Variants in NLRP11 observed in about 807,000 individuals in gnomAD.
NLRP11 encodes the protein NLR family pyrin domain containing 11.
In NLRP11, 53 loss-of-function variants were observed where a neutral mutation model predicts 79.3. That is an observed-to-expected ratio of 0.67 (90% CI 0.54 to 0.84). The LOEUF is 0.84. NLRP11 is among the 40% of genes least tolerant of loss of function. The pLI is 0.00. For missense variants in NLRP11, 1,264 were observed against 1,255.0 expected (o/e 1.01, Z -0.11); for synonymous variants, 518 against 462.6 (o/e 1.12, Z -1.54).
At chr19:55,819,224 G>T (rs1981451973) in intron 1 of NLRP11, among the ~76,000 whole-genome samples, 1 of 149,632 alleles carries the variant, frequency 6.7e-6, no homozygotes, top group African/African-American at 2.5e-5. Flanking sequence ...CCTCTGCAGG[G>T]GTTCCCCATC....
At chr19:55,812,280 T>G (rs1980677255) in intron 2 of NLRP11, among the ~76,000 whole-genome samples, 1 of 152,090 alleles carries the variant, frequency 6.6e-6, no homozygotes, top group Non-Finnish European at 1.5e-5. Flanking sequence ...ATATACACTA[T>G]GCAAAACAAA....
At chr19:55,827,146 G>C (rs944279014) in intron 1 of NLRP11, among the ~76,000 whole-genome samples, 2 of 137,182 alleles carry the variant, frequency 1.5e-5, no homozygotes, top group African/African-American at 3.1e-5. Context: ...ACAAACCTGA[G>C]AAAAACAAGC....
intron 1 of NLRP11, 104 bp downstream of exon 1, chr19:55,831,856 ATAT>A (rs1240497484): frequency 6.6e-6 from 1 of 152,166 alleles, no homozygotes; most frequent in African/African-American, 2.4e-5. Flanking sequence ...TTCCCCAATC[ATAT>A]TATTTCCAGC....
At chr19:55,801,289 T>G in intron 5 of NLRP11, 1 of 323,836 alleles carries the variant, frequency 3.1e-6, no homozygotes, top group East Asian at 5.1e-5. Context: ...TGTTTTAGGG[T>G]TTGACCAGTA....
At chr19:55,787,251 T>C (rs1600169711) in intron 9 of NLRP11, among the ~76,000 whole-genome samples, 1 of 152,254 alleles carries the variant, frequency 6.6e-6, no homozygotes, top group Non-Finnish European at 1.5e-5. Context: ...TGGAAGCTGA[T>C]AGGCAGCTTC....
At chr19:55,785,849 T>C (rs926576214) in exon 10 of NLRP11, 3 of 1,613,592 alleles carry the variant, frequency 1.9e-6, no homozygotes, top group Non-Finnish European at 2.5e-6. Flanking sequence ...TGGGTTTGTG[T>C]GTTCAGGCCA....
chr19:55,785,792 G>A, exon 10 of NLRP11: 1 of 1,614,100 alleles, frequency 6.2e-7, no homozygotes, highest in Non-Finnish European at 8.5e-7. Flanking sequence ...GTTTCAGACA[G>A]AAAGATCAAA....
rs528561123 is a variant in NLRP11 at position 55,829,713 on chromosome 19, C to A, written c.-63+2250G>T. On this transcript the variant is annotated intron_variant, in intron 1 of 9. Transcript: ENST00000589093. ...GTACTTTAAAGAACACAAGAAAAAG[C>A]TCATAAAACAGCGTTTACAGAAGTA... Among the ~76,000 whole-genome samples the A allele has an allele frequency of 1.4e-4, 21 of 148,106 alleles. No individual in the cohort carries two copies. The South Asian group carries it at 4.6e-3, about 32-fold the overall frequency.
At position 55,792,096 on chromosome 19, in the gene NLRP11, T is replaced by C. The variant is rs371286251; in HGVS notation, c.2513+205A>G. On this transcript the variant is annotated intron_variant, in intron 7 of 9. Coordinates refer to ENST00000589093, the Ensembl canonical transcript of NLRP11. ...CCATGTGATAAGGATCTGAGGGATT[T>C]TGTGAACTCTGCTCCTTCTGAGCTA... Among the ~76,000 whole-genome samples, 30 of 152,288 alleles carry C rather than the reference T, an allele frequency of 2.0e-4. No individual in the cohort carries two copies. In the East Asian group the frequency reaches 3.5e-3, roughly 18 times the overall value.
intron 8 of NLRP11, 34 bp from the exon 9 acceptor site, chr19:55,789,011 A>G: frequency 6.2e-7 from 1 of 1,610,902 alleles, no homozygotes; most frequent in South Asian, 1.1e-5. Context: ...GGTGGGGCCA[A>G]ATCCTTGAGG....
At chr19:55,791,949 T>C (rs1990258511) in intron 7 of NLRP11, among the ~76,000 whole-genome samples, 3 of 152,126 alleles carry the variant, frequency 2.0e-5, no homozygotes, top group Non-Finnish European at 2.9e-5. Flanking sequence ...CCAAAAGATA[T>C]TCACTGCCTC....
intron 4 of NLRP11, among the ~76,000 whole-genome samples, chr19:55,806,718 C>T (rs188148732): frequency 6.6e-6 from 1 of 152,170 alleles, no homozygotes; most frequent in Non-Finnish European, 1.5e-5. Flanking sequence ...TCACCTCACT[C>T]CAGAAAACCC....
intron 2 of NLRP11, 62 bp downstream of exon 2, chr19:55,817,842 C>G (rs1290431233): frequency 7.8e-7 from 1 of 1,286,602 alleles, no homozygotes. Context: ...AAAAAAGGCC[C>G]AACACCCAGC....
In NLRP11 at chr19:55,814,577, C is replaced by T. The variant is rs554055381; in HGVS notation, c.271+3327G>A. Among the ~76,000 whole-genome samples the T allele has an allele frequency of 2.6e-5, 3 of 113,928 alleles. No homozygotes were observed. The South Asian group carries it at 7.5e-4, about 29-fold the overall frequency. 74.7% of individuals were successfully genotyped at this position (113,928 alleles called of 152,430 possible). On this transcript the variant is annotated intron_variant, in intron 2 of 9. Transcript: ENST00000589093. ...AGAAGTGAATGACAGGATAACCATG[C>T]AACTAAAAAAAAAATTACTAATTCT...
chr19:55,817,699 C>A (rs6509961), intron 2 of NLRP11, among the ~76,000 whole-genome samples: 31,574 of 151,436 alleles, frequency 0.21, 4,962 homozygotes, highest in African/African-American at 0.45. Context: ...GAGGGATAAA[C>A]GACTACACAC....
chr19:55,794,557 G>A (rs576770596), intron 6 of NLRP11, among the ~76,000 whole-genome samples: 7 of 152,074 alleles, frequency 4.6e-5, no homozygotes, highest in Non-Finnish European at 5.9e-5. Flanking sequence ...TCAGGAGATC[G>A]AGACCATCCT....
intron 5 of NLRP11, 44 bp from the exon 6 acceptor site, chr19:55,796,294 G>A (rs764288553): frequency 1.6e-5 from 23 of 1,433,844 alleles, no homozygotes; most frequent in Non-Finnish European, 1.9e-5. Flanking sequence ...CCGCGTTTAA[G>A]CTATCCCCTC....
chr19:55,817,414 C>A (rs1981241655), intron 2 of NLRP11, among the ~76,000 whole-genome samples: 1 of 151,942 alleles, frequency 6.6e-6, no homozygotes, highest in Non-Finnish European at 1.5e-5. Flanking sequence ...AATATGGAAC[C>A]AGCCCAAATG....
chr19:55,785,619 ACATGAT>A (rs1989825980), exon 10 of NLRP11: 1 of 1,609,796 alleles, frequency 6.2e-7, no homozygotes, highest in Non-Finnish European at 8.5e-7. Flanking sequence ...TTTACGTACA[ACATGAT>A]CAAAGGGGTT....
Sources: gnomAD v4.1 joint callset for allele counts (sites outside exome capture counted in the v4.1 genomes callset) on GRCh38, gnomAD v4.1.1 for gene constraint, MANE v1.5 for transcripts, NCBI Gene and HGNC (gene_info 2026-07-23, HGNC 2026-07-21) for gene names.